DMXL1: variants seen among roughly 807,000 people sequenced by gnomAD.
The protein encoded by DMXL1 is Dmx like 1.
In DMXL1, 99 loss-of-function variants were observed where a neutral mutation model predicts 319.2. That is an observed-to-expected ratio of 0.31 (90% CI 0.26 to 0.37). The LOEUF (loss-of-function observed/expected upper bound fraction) is 0.37, where lower values mean the gene tolerates loss of function less well. Ranked by LOEUF, DMXL1 falls within the 10% of genes least tolerant of loss-of-function variation. DMXL1 has a pLI of 1.00. For missense variants in DMXL1, 3,745 were observed against 3,595.6 expected, an observed-to-expected ratio of 1.04 and a Z score of -1.06; for synonymous variants, 1,385 against 1,235.2, an observed-to-expected ratio of 1.12 and a Z score of -2.54.
intron 42 of DMXL1, 103 bp downstream of exon 42, chr5:119,240,574 C>T (rs948208811): frequency 2.3e-6 from 2 of 856,114 alleles, no homozygotes; most frequent in Non-Finnish European, 3.7e-6. Flanking sequence ...TATTTATTAA[C>T]CCATGAGATT....
intron 19 of DMXL1, 26 bp from the exon 20 acceptor site, chr5:119,164,481 A>C (rs1772996355): frequency 6.3e-7 from 1 of 1,597,468 alleles, no homozygotes; most frequent in Non-Finnish European, 8.6e-7. Flanking sequence ...TAATTCTTAT[A>C]AACATCATTT....
rs576964542 is a variant in DMXL1 at position 119,122,147 on chromosome 5, C to G, written c.1102+1008C>G. The stretch of plus-strand genomic sequence containing the variant: ...TGGCCGGGCGGGGGGCTGACCCCCC[C>G]ACCTCCCTCCCAGACGGGGCGGCTG... On this transcript the variant is annotated intron_variant, in intron 9 of 43. Coordinates refer to ENST00000539542, the MANE Select transcript of DMXL1 (RefSeq NM_001290321.3). 1.2e-3 allele frequency among the ~76,000 whole-genome samples: 162 copies of G among 134,230 alleles called. 2 individuals carry two copies. Among genetic ancestry groups the G allele is most frequent in the South Asian group, 5.0e-3 (20 of 4,028 alleles). 88.1% of individuals were successfully genotyped at this position (134,230 alleles called of 152,430 possible). A position where few individuals can be genotyped will look rare whatever the true frequency, so the allele number is the denominator to read the frequency against.
At chr5:119,231,205 A>C (rs1278400158) in intron 38 of DMXL1, among the ~76,000 whole-genome samples, 1 of 152,084 alleles carries the variant, frequency 6.6e-6, no homozygotes, top group East Asian at 1.9e-4. Flanking sequence ...ATAATTCTAA[A>C]TTGTCTTTGG....
intron 13 of DMXL1, among the ~76,000 whole-genome samples, chr5:119,138,462 G>T (rs1348641890): frequency 6.6e-6 from 1 of 152,174 alleles, no homozygotes; most frequent in East Asian, 1.9e-4. Context: ...GGTCTGGCCT[G>T]AAAATATACA....
intron 2 of DMXL1, among the ~76,000 whole-genome samples, chr5:119,099,725 T>C (rs1181653161): frequency 6.6e-6 from 1 of 152,130 alleles, no homozygotes; most frequent in Non-Finnish European, 1.5e-5. Flanking sequence ...ATCATGGCCA[T>C]GTGTGGTGGC....
At chr5:119,076,469 C>T (rs901028609) in intron 1 of DMXL1, among the ~76,000 whole-genome samples, 1 of 151,702 alleles carries the variant, frequency 6.6e-6, no homozygotes, top group Non-Finnish European at 1.5e-5. Context: ...GCAAAGATTG[C>T]TACTATTCAC....
intron 39 of DMXL1, among the ~76,000 whole-genome samples, chr5:119,233,955 C>T (rs1012721862): frequency 6.6e-6 from 1 of 152,138 alleles, no homozygotes; most frequent in Non-Finnish European, 1.5e-5. Flanking sequence ...TCCTAGCCAC[C>T]TGCTTTATAA....
chr5:119,130,757 A>G (rs189206225), intron 10 of DMXL1, among the ~76,000 whole-genome samples: 2 of 152,330 alleles, frequency 1.3e-5, no homozygotes, highest in East Asian at 1.9e-4. Flanking sequence ...ATTGATAAAC[A>G]TTTAAATTAA....
At chr5:119,097,439 C>A (rs111428688) in intron 1 of DMXL1, among the ~76,000 whole-genome samples, 3 of 152,022 alleles carry the variant, frequency 2.0e-5, no homozygotes, top group Non-Finnish European at 4.4e-5. Context: ...AAAAGTGAGC[C>A]GGGCGCAGTG....
intron 19 of DMXL1, among the ~76,000 whole-genome samples, chr5:119,163,910 C>T (rs1054733809): frequency 2.0e-5 from 3 of 152,054 alleles, no homozygotes; most frequent in Admixed American, 2.0e-4. Flanking sequence ...CAGGGTTTCA[C>T]CATGTTGGCC....
Position 119,159,823 on chromosome 5 carries a change from CA to C in DMXL1, c.4703-4683del, listed in dbSNP as rs554433346. Among the ~76,000 whole-genome samples the C allele has an allele frequency of 2.0e-3, 301 of 152,264 alleles. 3 individuals carry two copies. The highest frequency in any genetic ancestry group is 6.9e-3 in the African/African-American group (286 of 41,552). ...ATTTTTAGTAGAAACAGGGTTTTGCCATGTTGGCCAGGCTGGTCTCGAACTC... is the reference window on the plus strand; with the variant it reads ...ATTTTTAGTAGAAACAGGGTTTTGCCTGTTGGCCAGGCTGGTCTCGAACTC... On this transcript the variant is annotated intron_variant, in intron 19 of 43. Transcript: ENST00000539542.
In DMXL1 at chr5:119,110,140, A is replaced by G. The variant is rs1369745283; in HGVS notation, c.365-11A>G. ...ACCTAAATAATAAATGAGGAATAAT[A>G]TTTTTTTTAGGCAGTCGTCTTTTAA... On this transcript the variant is annotated splice_polypyrimidine_tract_variant and intron_variant, in intron 4 of 43. Coordinates refer to ENST00000539542, the MANE Select transcript of DMXL1 (RefSeq NM_001290321.3). The G allele has an allele frequency of 6.3e-7, 1 of 1,582,486 alleles. No individual in the cohort carries two copies. Among genetic ancestry groups the G allele is most frequent in the Admixed American group, 1.9e-5 (1 of 53,810 alleles).
chr5:119,139,248 A>G (rs1393632123), intron 13 of DMXL1, among the ~76,000 whole-genome samples: 1 of 151,880 alleles, frequency 6.6e-6, no homozygotes, highest in Non-Finnish European at 1.5e-5. Flanking sequence ...CCAGCTAACA[A>G]CATAATAACA....
At chr5:119,181,548 G>A (rs903463240) in intron 28 of DMXL1, among the ~76,000 whole-genome samples, 30 of 152,252 alleles carry the variant, frequency 2.0e-4, no homozygotes, top group African/African-American at 7.2e-4. Flanking sequence ...AGGGCTGGAT[G>A]TGGTGGCTCA....
chr5:119,236,711 CATTT>C (rs1283797814), intron 39 of DMXL1: 1 of 151,790 alleles, frequency 6.6e-6, no homozygotes, highest in African/African-American at 2.4e-5. Flanking sequence ...ACAAAGCAGA[CATTT>C]ATTTTATATA....
chr5:119,210,072 G>A (rs1292469912), intron 34 of DMXL1, among the ~76,000 whole-genome samples: 2 of 151,988 alleles, frequency 1.3e-5, no homozygotes, highest in Non-Finnish European at 2.9e-5. Context: ...GGGTACAAGC[G>A]ATTCTCATAC....
At chr5:119,191,896 T>G (rs779752346) in intron 29 of DMXL1, among the ~76,000 whole-genome samples, 10 of 152,334 alleles carry the variant, frequency 6.6e-5, no homozygotes, top group South Asian at 2.1e-4. Context: ...CATAGATTTT[T>G]AAAAATAAAT....
At chr5:119,123,146 T>A (rs757329000) in intron 9 of DMXL1, among the ~76,000 whole-genome samples, 1 of 151,524 alleles carries the variant, frequency 6.6e-6, no homozygotes, top group South Asian at 2.1e-4. Context: ...ACCAAAAAAA[T>A]ACGAAAACCA....
At chr5:119,103,433 A>G (rs1757691854) in intron 3 of DMXL1, among the ~76,000 whole-genome samples, 1 of 152,206 alleles carries the variant, frequency 6.6e-6, no homozygotes, top group Non-Finnish European at 1.5e-5. Flanking sequence ...CTTTTTATGA[A>G]TAAGGCAGTA....
Sources: gnomAD v4.1 joint callset for allele counts (sites outside exome capture counted in the v4.1 genomes callset) on GRCh38, gnomAD v4.1.1 for gene constraint, MANE v1.5 for transcripts, NCBI Gene and HGNC (gene_info 2026-07-23, HGNC 2026-07-21) for gene names.